HERC1: variants seen among roughly 807,000 people sequenced by gnomAD.
HERC1 encodes the protein probable E3 ubiquitin-protein ligase HERC1.
Under a neutral mutation model 554.3 loss-of-function variants are expected in HERC1, and 160 were observed. The ratio of observed to expected loss-of-function variants is 0.29; its 90% confidence interval spans 0.25 to 0.33. The LOEUF (loss-of-function observed/expected upper bound fraction) is 0.33. Among genes scored for constraint, HERC1 ranks in the 10% least tolerant of loss-of-function variants. The pLI is 1.00. For missense variants in HERC1, 4,919 were observed against 5,918.5 expected (o/e 0.83, Z 5.54); for synonymous variants, 2,175 against 2,131.7 (o/e 1.02, Z -0.56).
Position 63,633,519 on chromosome 15 carries a change from A to G in HERC1, c.12693+329T>C, listed in dbSNP as rs62012831. ...TGGCAGCTGCATGCAGAGGGTTACA[A>G]AGGATTACTCATAGTTCCTTCCATG... On this transcript the variant is annotated intron_variant, in intron 67 of 77. Coordinates refer to ENST00000443617, the MANE Select transcript of HERC1 (RefSeq NM_003922.4). 0.16 allele frequency among the ~76,000 whole-genome samples: 24,369 copies of G among 152,160 alleles called. 2,305 individuals are homozygous for G. The highest frequency in any genetic ancestry group is 0.21 in the Middle Eastern group (63 of 294).
At chr15:63,753,123 A>T in intron 7 of HERC1, 38 bp from the exon 8 acceptor site, 1 of 1,497,368 alleles carries the variant, frequency 6.7e-7, no homozygotes, top group Non-Finnish European at 9.0e-7. Context: ...TACTTGTTTT[A>T]AAGAACCTCT....
chr15:63,828,281 G>A (rs191806941), intron 1 of HERC1, among the ~76,000 whole-genome samples: 56 of 152,024 alleles, frequency 3.7e-4, no homozygotes, highest in Non-Finnish European at 6.8e-4. Context: ...AACAAAGATG[G>A]AGGGATGGAA....
intron 12 of HERC1, among the ~76,000 whole-genome samples, chr15:63,744,117 T>C (rs995123538): frequency 1.6e-5 from 1 of 61,096 alleles, no homozygotes; most frequent in Non-Finnish European, 4.2e-5. Context: ...AGACTGTGTG[T>C]GTGTGTGTGT....
intron 1 of HERC1, among the ~76,000 whole-genome samples, chr15:63,806,780 C>T (rs1420154834): frequency 2.0e-5 from 3 of 152,218 alleles, no homozygotes; most frequent in Non-Finnish European, 4.4e-5. Flanking sequence ...AGATTGCCCC[C>T]ACCCACTCCG....
chr15:63,773,137 A>G (rs2076000622), intron 2 of HERC1, among the ~76,000 whole-genome samples: 1 of 152,198 alleles, frequency 6.6e-6, no homozygotes, highest in Non-Finnish European at 1.5e-5. Flanking sequence ...GTAACAAAGG[A>G]TACCGAAAAG....
At chr15:63,693,856 T>C in intron 30 of HERC1, 108 bp downstream of exon 30, 1 of 1,132,692 alleles carries the variant, frequency 8.8e-7, no homozygotes, top group Non-Finnish European at 1.2e-6. Context: ...CAAATAAAAA[T>C]CCCATCATAC....
At position 63,675,124 on chromosome 15, in the gene HERC1, TA is replaced by T; in HGVS notation, c.7071-8del. ...CGACCAAAAAGTTGGGAAGCTTTAATAAAGATCAGAATGACACAGGAAGAAG... is the reference window on the plus strand; with the variant it reads ...CGACCAAAAAGTTGGGAAGCTTTAATAAGATCAGAATGACACAGGAAGAAG... On this transcript the variant is annotated splice_polypyrimidine_tract_variant and splice_region_variant and intron_variant, in intron 37 of 77. Coordinates refer to ENST00000443617, the MANE Select transcript of HERC1 (RefSeq NM_003922.4). 1 of 1,577,128 alleles carries T rather than the reference TA, an allele frequency of 6.3e-7. No individual in the cohort carries two copies. The highest frequency in any genetic ancestry group is 8.6e-7 in the Non-Finnish European group (1 of 1,161,248).
intron 31 of HERC1, among the ~76,000 whole-genome samples, chr15:63,691,964 AG>A (rs1207290424): frequency 2.0e-5 from 3 of 152,254 alleles, no homozygotes; most frequent in African/African-American, 7.2e-5. Flanking sequence ...GGTAAGGACC[AG>A]GGATTAAGCT....
intron 1 of HERC1, among the ~76,000 whole-genome samples, chr15:63,782,894 T>C (rs2076327439): frequency 6.6e-6 from 1 of 152,116 alleles, no homozygotes. Context: ...ACTGCAGACG[T>C]GGTGGAAATA....
At chr15:63,687,298 G>T (rs754295843) in intron 33 of HERC1, among the ~76,000 whole-genome samples, 22 of 152,138 alleles carry the variant, frequency 1.4e-4, no homozygotes, top group Non-Finnish European at 2.9e-4. Flanking sequence ...CCAGCAATTT[G>T]AGAGACCGAA....
In HERC1 at chr15:63,749,877, A is replaced by G. The variant is rs1393697852; in HGVS notation, c.1903-86T>C. The G allele has an allele frequency of 2.6e-6, 3 of 1,132,296 alleles. No homozygotes were observed. The highest frequency in any genetic ancestry group is 3.6e-6 in the Non-Finnish European group (3 of 825,750). 70.1% of individuals were successfully genotyped at this position (1,132,296 alleles called of 1,614,324 possible). Reference sequence around the variant, plus strand: ...GGGATAAATGAAATCTATGAAACTAAAGTGTGGTTTGATAGTAAATAACTT... The same window carrying G: ...GGGATAAATGAAATCTATGAAACTAGAGTGTGGTTTGATAGTAAATAACTT... On this transcript the variant is annotated intron_variant, in intron 8 of 77. Transcript: ENST00000443617. This position sits in a 1 kb window ranked among gnomAD's most constrained non-coding sequence, Gnocchi z 4.1.
chr15:63,762,482 C>A (rs1313650617), intron 3 of HERC1, among the ~76,000 whole-genome samples: 2 of 152,082 alleles, frequency 1.3e-5, no homozygotes, highest in Admixed American at 1.3e-4. Flanking sequence ...TGCCGCCCCA[C>A]CCAGCTAATT....
At chr15:63,615,555 A>G (rs1417073631) in intron 76 of HERC1, among the ~76,000 whole-genome samples, 1 of 152,272 alleles carries the variant, frequency 6.6e-6, no homozygotes, top group Admixed American at 6.5e-5. Flanking sequence ...GGCTGCAGTG[A>G]GCTGAGACTG....
intron 72 of HERC1, 52 bp from the exon 73 acceptor site, chr15:63,623,942 A>G: frequency 1.3e-6 from 2 of 1,574,550 alleles, no homozygotes. Context: ...CAATTTCCCC[A>G]AAATCACATG....
rs1447084616 is a variant in HERC1 at position 63,666,213 on chromosome 15, A to C, written c.8324-63T>G. On this transcript the variant is annotated intron_variant, in intron 41 of 77. Transcript: ENST00000443617. ...CAAAGAATTAGGTCTTTATGTTATAAGAGTGTTTGCTATGATGCTCTTGTA... is the reference window on the plus strand; with the variant it reads ...CAAAGAATTAGGTCTTTATGTTATACGAGTGTTTGCTATGATGCTCTTGTA... 2.7e-6 allele frequency: 4 copies of C among 1,458,500 alleles called. No homozygotes were observed. The East Asian group carries it at 7.0e-5, about 26-fold the overall frequency. The allele number at this position is 1,458,500 out of a possible 1,614,324, so 90.3% of individuals were successfully genotyped here.
chr15:63,618,324 A>G (rs2067914094), intron 74 of HERC1, among the ~76,000 whole-genome samples: 1 of 152,066 alleles, frequency 6.6e-6, no homozygotes, highest in African/African-American at 2.4e-5. Flanking sequence ...GATATGCGGC[A>G]TTATTTCTGA....
Position 63,609,210 on chromosome 15 carries a change from C to G in HERC1, c.14457G>C (p.Pro4819=). The G allele has an allele frequency of 6.2e-7, 1 of 1,613,444 alleles. No individual in the cohort carries two copies. The highest frequency in any genetic ancestry group is 1.1e-5 in the South Asian group (1 of 90,898). ...QTCFFQLRLP[P]YSSQLVMAER... is the part of the protein sequence containing the mutation. ...CGGCCATGACCAGCTGGCTGGAGTA[C>G]GGGGGCAGCCTCAGCTGGAAGAAGC... is the stretch of plus-strand genomic sequence containing the variant. The change falls in exon 78 of 78, where the codon CCG becomes CCC. Residue 4819 remains proline, a synonymous_variant. Transcript: ENST00000443617.
At chr15:63,668,125 CAA>C (rs1324436615) in intron 40 of HERC1, among the ~76,000 whole-genome samples, 2 of 151,780 alleles carry the variant, frequency 1.3e-5, no homozygotes, top group East Asian at 3.8e-4. Flanking sequence ...TTAATTAATT[CAA>C]AAGAGAACAA....
chr15:63,756,529 T>A lies in HERC1; in HGVS notation c.1441A>T (p.Ser481Cys). The change falls in exon 5 of 78, where the codon AGT (serine) becomes TGT (cysteine). Residue 481 changes from serine to cysteine, a missense_variant. By Grantham distance (112) the Ser-to-Cys change is moderately radical. This residue lies in a region of HERC1 where 744 missense variants were observed against 1,090.0 expected (regional missense o/e 0.68). Coordinates refer to ENST00000443617, the MANE Select transcript of HERC1 (RefSeq NM_003922.4). This position sits in a 1 kb window ranked among gnomAD's most constrained non-coding sequence, Gnocchi z 5.0. ...LAFTTEGEVFSWGDGDYGKLG... is the reference protein window; with the variant it reads ...LAFTTEGEVFCWGDGDYGKLG... The stretch of plus-strand genomic sequence containing the variant: ...TTCCCATAATCACCATCTCCCCAAC[T>A]GAAGACTTCTCCTTCTGTCGTAAAG... The A allele has an allele frequency of 6.2e-7, 1 of 1,613,810 alleles. No homozygotes were observed. Among genetic ancestry groups the A allele is most frequent in the African/African-American group, 1.3e-5 (1 of 75,060 alleles).
Sources: gnomAD v4.1 joint callset for allele counts (sites outside exome capture counted in the v4.1 genomes callset) on GRCh38, gnomAD v4.1.1 for gene constraint, gnomAD v4.1.1 regional missense constraint, Gnocchi (gnomAD v3.1) non-coding constraint, MANE v1.5 for transcripts, NCBI Gene and HGNC (gene_info 2026-07-23, HGNC 2026-07-21) for gene names.